The following GALNTL5 variants were observed in gnomAD, a reference collection of about 807,000 sequenced individuals.
GALNTL5 encodes the protein inactive polypeptide N-acetylgalactosaminyltransferase-like protein 5.
Under a neutral mutation model 51.0 loss-of-function variants are expected in GALNTL5, and 44 were observed. The ratio of observed to expected loss-of-function variants is 0.86; its 90% CI spans 0.68 to 1.11. The LOEUF (loss-of-function observed/expected upper bound fraction) is 1.11. Ranked by LOEUF, GALNTL5 falls within the 50% of genes least tolerant of loss-of-function variation. GALNTL5 has a pLI of 0.00. For missense variants in GALNTL5, 528 were observed against 531.8 expected (o/e 0.99, Z 0.07); for synonymous variants, 192 against 182.8 (o/e 1.05, Z -0.41).
Position 152,002,959 on chromosome 7 carries a change from A to G in GALNTL5, c.904A>G (p.Ile302Val), listed in dbSNP as rs540818748. Reference sequence around the variant, plus strand: ...TGGACCAGAAGGATCTACTAAACCAATCCGGTGAGATTTCTTCTGGTTTTG... The same window carrying G: ...TGGACCAGAAGGATCTACTAAACCAGTCCGGTGAGATTTCTTCTGGTTTTG... ...MDGPEGSTKPIRSPAMSGGIF... is the reference protein window; with the variant it reads ...MDGPEGSTKPVRSPAMSGGIF... Residue 302 changes from isoleucine to valine, a missense_variant, in exon 6 of 9, where the codon ATC (isoleucine) becomes GTC (valine). Ile to Val is a conservative substitution (Grantham distance 29). Transcript: ENST00000392800. The G allele has an allele frequency of 1.9e-6, 3 of 1,612,726 alleles. No individual in the cohort carries two copies. Among genetic ancestry groups the G allele is most frequent in the South Asian group, 2.2e-5 (2 of 91,036 alleles).
chr7:152,016,119 G>T (rs975426218), intron 8 of GALNTL5, among the ~76,000 whole-genome samples: 1 of 152,078 alleles, frequency 6.6e-6, no homozygotes, highest in African/African-American at 2.4e-5. Flanking sequence ...AAGTCTGACA[G>T]GCCTGGCTGG....
At chr7:152,019,514 A>C in intron 8 of GALNTL5, 132 bp from the exon 9 acceptor site, 1 of 791,662 alleles carries the variant, frequency 1.3e-6, no homozygotes, top group Non-Finnish European at 2.0e-6. Flanking sequence ...CCCTAGACAG[A>C]AAAAAATTGG....
At chr7:152,006,942 A>G (rs922098373) in intron 6 of GALNTL5, among the ~76,000 whole-genome samples, 1 of 151,404 alleles carries the variant, frequency 6.6e-6, no homozygotes, top group Non-Finnish European at 1.5e-5. Flanking sequence ...TAATTTTTGT[A>G]TTTTTCGTAG....
chr7:151,987,152 T>C lies in GALNTL5; in HGVS notation c.536-7T>C, dbSNP rs2081368658. The C allele has an allele frequency of 1.9e-6, 3 of 1,587,700 alleles. No homozygotes were observed. In the South Asian group the frequency reaches 3.5e-5, roughly 19 times the overall value. ...TATACATTCTCATGTGTTGAATATT[T>C]TTCCAGATGATTTGAAAGAAAAACT... On this transcript the variant is annotated splice_polypyrimidine_tract_variant and splice_region_variant and intron_variant, in intron 4 of 8. Transcript: ENST00000392800.
At chr7:151,964,288 C>A (rs147887805) in intron 1 of GALNTL5, among the ~76,000 whole-genome samples, 75 of 152,276 alleles carry the variant, frequency 4.9e-4, no homozygotes, top group Middle Eastern at 3.4e-3. Flanking sequence ...CTTGGTGCTT[C>A]CACATGTGAG....
chr7:151,964,916 T>A (rs907416408), intron 1 of GALNTL5, among the ~76,000 whole-genome samples: 4 of 152,112 alleles, frequency 2.6e-5, no homozygotes, highest in Non-Finnish European at 4.4e-5. Context: ...GCTGCCGGGA[T>A]CCTGTGTGGG....
chr7:151,981,081 C>T (rs1395011260), intron 3 of GALNTL5, among the ~76,000 whole-genome samples: 1 of 152,062 alleles, frequency 6.6e-6, no homozygotes, highest in Non-Finnish European at 1.5e-5. Flanking sequence ...TTTTCTGGCC[C>T]CAGTTGATTA....
At chr7:151,961,800 A>G (rs2080995238) in intron 1 of GALNTL5, among the ~76,000 whole-genome samples, 1 of 152,204 alleles carries the variant, frequency 6.6e-6, no homozygotes, top group African/African-American at 2.4e-5. Context: ...GCTGTTTGAT[A>G]TGGTTTGCAT....
chr7:151,969,837 C>T (rs544883872), intron 2 of GALNTL5, among the ~76,000 whole-genome samples: 4 of 152,302 alleles, frequency 2.6e-5, no homozygotes, highest in African/African-American at 9.6e-5. Context: ...GATGGAGTCT[C>T]GCTCTGTCGC....
At position 151,970,951 on chromosome 7, in the gene GALNTL5, AT is replaced by A; in HGVS notation, c.258del (p.Phe86LeufsTer13). The A allele has an allele frequency of 6.2e-7, 1 of 1,600,140 alleles. No individual in the cohort carries two copies. Among genetic ancestry groups the A allele is most frequent in the South Asian group, 1.1e-5 (1 of 90,226 alleles). ...TAATTACATTTTCTTGCAGGTACAG[AT>A]TTTAACCATACAAACCCAGAACTTC... is the stretch of plus-strand genomic sequence containing the variant. ...EDKAKSMLGT[D>X]FNHTNPELHK... On this transcript the variant is annotated frameshift_variant, in exon 3 of 9. Transcript: ENST00000392800. LOFTEE classifies it high-confidence loss of function.
chr7:151,975,410 A>G (rs1324115908), intron 3 of GALNTL5, among the ~76,000 whole-genome samples: 2 of 151,990 alleles, frequency 1.3e-5, no homozygotes, highest in Admixed American at 6.6e-5. Flanking sequence ...GATATCAATT[A>G]TGTCTCTTCT....
chr7:151,999,289 G>C (rs1446629607), intron 5 of GALNTL5, among the ~76,000 whole-genome samples: 1 of 152,070 alleles, frequency 6.6e-6, no homozygotes, highest in Non-Finnish European at 1.5e-5. Flanking sequence ...CATTTGGGCT[G>C]TTTCCCTCTT....
intron 5 of GALNTL5, among the ~76,000 whole-genome samples, chr7:151,998,720 T>A (rs2081531174): frequency 6.7e-6 from 1 of 148,312 alleles, no homozygotes; most frequent in Non-Finnish European, 1.5e-5. Flanking sequence ...TGCAGTGAGC[T>A]GAGATCATGC....
intron 1 of GALNTL5, among the ~76,000 whole-genome samples, chr7:151,959,272 G>T (rs2080963481): frequency 6.6e-6 from 1 of 151,702 alleles, no homozygotes; most frequent in Non-Finnish European, 1.5e-5. Flanking sequence ...TTGGTTTTTG[G>T]AGAAAGTTGA....
intron 5 of GALNTL5, among the ~76,000 whole-genome samples, chr7:151,994,516 C>T (rs558652049): frequency 1.3e-5 from 2 of 152,138 alleles, no homozygotes; most frequent in Admixed American, 1.3e-4. Flanking sequence ...TCCTTCCTCC[C>T]TCACCCACCC....
At chr7:151,982,882 TAA>T (rs915843107) in intron 3 of GALNTL5, 102 bp from the exon 4 acceptor site, 7 of 1,599,460 alleles carry the variant, frequency 4.4e-6, no homozygotes, top group East Asian at 2.2e-5. Flanking sequence ...GTTGAAGGAG[TAA>T]AGAGTCAAAA....
rs1452219669 is a variant in GALNTL5, at chr7:152,019,787, G to A, written c.1318G>A (p.Val440Met). Reference sequence around the variant, plus strand: ...TGTCTTCCCAGAGTTGGAGGCATCTGTGAACAGCCTGTGAAAGGAAAACAA... The same window carrying A: ...TGTCTTCCCAGAGTTGGAGGCATCTATGAACAGCCTGTGAAAGGAAAACAA... The part of the protein sequence containing the change: ...DNVFPELEAS[V>M]NSL The change falls in exon 9 of 9, where the codon GTG (valine) becomes ATG (methionine). Residue 440 changes from valine (V) to methionine (M), a missense_variant. Physicochemically the swap from Val to Met is conservative, Grantham distance 21. Transcript: ENST00000392800. 8 of 1,611,050 alleles carry A rather than the reference G, an allele frequency of 5.0e-6. No individual in the cohort carries two copies. Among genetic ancestry groups the A allele is most frequent in the Non-Finnish European group, 6.8e-6 (8 of 1,178,422 alleles).
intron 5 of GALNTL5, among the ~76,000 whole-genome samples, chr7:151,994,748 C>T (rs923994375): frequency 7.9e-6 from 1 of 126,584 alleles, no homozygotes; most frequent in African/African-American, 2.9e-5. Context: ...TCTCTATCAT[C>T]ACCCTTACCC....
chr7:152,003,343 C>A (rs2081606155), intron 6 of GALNTL5, among the ~76,000 whole-genome samples: 1 of 152,162 alleles, frequency 6.6e-6, no homozygotes, highest in African/African-American at 2.4e-5. Context: ...TACAGTTGCA[C>A]CAGCTGTGCA....
Sources: allele counts gnomAD v4.1 joint callset (sites outside exome capture counted in the v4.1 genomes callset), GRCh38; gene constraint gnomAD v4.1.1; transcripts MANE v1.5; gene names NCBI Gene and HGNC (gene_info 2026-07-23, HGNC 2026-07-21).